PARN: variants seen among roughly 807,000 people sequenced by gnomAD.
PARN encodes the protein poly(A)-specific ribonuclease.
A neutral mutation model predicts 102.8 loss-of-function variants in PARN; 71 were observed. That is an observed-to-expected ratio of 0.69 (90% confidence interval 0.57 to 0.84). The LOEUF (loss-of-function observed/expected upper bound fraction) is 0.84. Among genes scored for constraint, PARN ranks in the 40% least tolerant of loss-of-function variants. PARN has a pLI of 0.00. For missense variants in PARN, 782 were observed against 760.9 expected, an observed-to-expected ratio of 1.03 and a Z score of -0.33; for synonymous variants, 261 against 252.9, an observed-to-expected ratio of 1.03 and a Z score of -0.30.
At chr16:14,463,044 G>A (rs571865760) in intron 22 of PARN, among the ~76,000 whole-genome samples, 2 of 152,282 alleles carry the variant, frequency 1.3e-5, no homozygotes, top group South Asian at 4.2e-4. Flanking sequence ...CAATTCCCCA[G>A]GGCTGGGGAA....
intron 6 of PARN, among the ~76,000 whole-genome samples, chr16:14,617,368 A>G (rs1250863795): frequency 1.4e-5 from 2 of 139,420 alleles, no homozygotes; most frequent in Admixed American, 7.7e-5. Flanking sequence ...TGGGCAACAG[A>G]GCGAGACTCT....
intron 18 of PARN, among the ~76,000 whole-genome samples, chr16:14,561,726 T>C (rs1968078999): frequency 6.6e-6 from 1 of 152,150 alleles, no homozygotes; most frequent in African/African-American, 2.4e-5. Flanking sequence ...GCAGGATTGT[T>C]TGACTCCATG....
At chr16:14,584,550 CAG>C in intron 15 of PARN, 128 bp from the exon 16 acceptor site, 1 of 823,586 alleles carries the variant, frequency 1.2e-6, no homozygotes, top group Non-Finnish European at 1.9e-6. Context: ...TAAAGAAACA[CAG>C]AAGTCTTCGT....
intron 18 of PARN, among the ~76,000 whole-genome samples, chr16:14,556,247 C>T (rs1967680958): frequency 6.6e-6 from 1 of 152,214 alleles, no homozygotes; most frequent in East Asian, 1.9e-4. Context: ...CAACCTCTGC[C>T]TCCCAGGTTC....
At chr16:14,564,881 T>C (rs1968338538) in intron 18 of PARN, 3 of 152,174 alleles carry the variant, frequency 2.0e-5, no homozygotes, top group African/African-American at 7.2e-5. Flanking sequence ...AGTAAAATTG[T>C]ACCCCTCTCC....
At chr16:14,620,490 T>C (rs1028725396) in intron 5 of PARN, among the ~76,000 whole-genome samples, 1 of 152,222 alleles carries the variant, frequency 6.6e-6, no homozygotes, top group Admixed American at 6.5e-5. Flanking sequence ...AGCATTACTG[T>C]AGCTACTCTA....
Position 14,584,425 on chromosome 16 carries a change from G to A in PARN, c.1006-3C>T. ...AGGGATGTGTTGTTAATGATATCCT[G>A]CAAACCACGAAGCAAAGAATTATGA... On this transcript the variant is annotated splice_polypyrimidine_tract_variant and splice_region_variant and intron_variant, in intron 15 of 23. Coordinates refer to ENST00000437198, the MANE Select transcript of PARN (RefSeq NM_002582.4). 1 of 1,610,002 alleles carries A rather than the reference G, an allele frequency of 6.2e-7. No homozygotes were observed. The highest frequency in any genetic ancestry group is 8.5e-7 in the Non-Finnish European group (1 of 1,176,886).
At chr16:14,598,667 G>A (rs1025288266) in intron 12 of PARN, among the ~76,000 whole-genome samples, 2 of 152,070 alleles carry the variant, frequency 1.3e-5, no homozygotes, top group African/African-American at 2.4e-5. Context: ...GACTTTAATC[G>A]CCCCACTTAC....
At chr16:14,533,948 G>A (rs930185476) in intron 21 of PARN, among the ~76,000 whole-genome samples, 7 of 152,160 alleles carry the variant, frequency 4.6e-5, no homozygotes, top group African/African-American at 1.2e-4. Flanking sequence ...TTGGCCAAGC[G>A]TGGTGGCTCA....
intron 23 of PARN, among the ~76,000 whole-genome samples, chr16:14,438,447 G>T (rs1321786594): frequency 2.0e-5 from 3 of 150,404 alleles, no homozygotes; most frequent in Admixed American, 1.3e-4. Context: ...TAGTTGGGGG[G>T]GGGGGTGTGT....
Position 14,595,210 on chromosome 16 carries a change from T to A in PARN, c.841-1832A>T, listed in dbSNP as rs749521991. 2.0e-5 allele frequency among the ~76,000 whole-genome samples: 3 copies of A among 152,088 alleles called. No homozygotes were observed. The East Asian group carries it at 5.8e-4, about 29-fold the overall frequency. ...ACCGGGTTTAAACAAATAAACATAA[T>A]GGAAGTAATAGAAACTGGATTTCTC... is the stretch of plus-strand genomic sequence containing the variant. On this transcript the variant is annotated intron_variant, in intron 12 of 23. Coordinates refer to ENST00000437198, the MANE Select transcript of PARN (RefSeq NM_002582.4).
rs149746401 is a variant in PARN at position 14,454,993 on chromosome 16, C to T, written c.1671-7912G>A. Among the ~76,000 whole-genome samples, 586 of 152,248 alleles carry T rather than the reference C, an allele frequency of 3.8e-3. 5 individuals are homozygous for T. The highest frequency in any genetic ancestry group is 0.013 in the African/African-American group (557 of 41,556). ...CAATAACACATAAAAATAACCTCTACCTGATATAGACGTTTGTTAACAGAA... is the reference window on the plus strand; with the variant it reads ...CAATAACACATAAAAATAACCTCTATCTGATATAGACGTTTGTTAACAGAA... On this transcript the variant is annotated intron_variant, in intron 22 of 23. Coordinates refer to ENST00000437198, the MANE Select transcript of PARN (RefSeq NM_002582.4).
At chr16:14,533,777 G>A (rs1966487564) in intron 21 of PARN, among the ~76,000 whole-genome samples, 1 of 152,130 alleles carries the variant, frequency 6.6e-6, no homozygotes, top group South Asian at 2.1e-4. Context: ...ACTCTCCCCA[G>A]GATCTTCCCT....
intron 23 of PARN, among the ~76,000 whole-genome samples, chr16:14,438,761 A>G (rs1020833736): frequency 6.6e-6 from 1 of 152,220 alleles, no homozygotes; most frequent in Non-Finnish European, 1.5e-5. Context: ...CCAACAGTCT[A>G]TAATCAAAAA....
chr16:14,472,454 A>G (rs1458728881), intron 22 of PARN, among the ~76,000 whole-genome samples: 1 of 152,214 alleles, frequency 6.6e-6, no homozygotes. Context: ...ATTAAAGTAA[A>G]TAATTTAGAA....
At chr16:14,475,409 T>G (rs1962986709) in intron 22 of PARN, among the ~76,000 whole-genome samples, 1 of 152,194 alleles carries the variant, frequency 6.6e-6, no homozygotes, top group Non-Finnish European at 1.5e-5. Flanking sequence ...TACCCTGTAT[T>G]TCTTCAGATC....
chr16:14,550,719 C>A (rs979253163), intron 21 of PARN, among the ~76,000 whole-genome samples: 1 of 152,104 alleles, frequency 6.6e-6, no homozygotes, highest in Non-Finnish European at 1.5e-5. Flanking sequence ...TTTTACTGTG[C>A]GGCATTTTGT....
chr16:14,612,803 G>A (rs1294087712), intron 6 of PARN, among the ~76,000 whole-genome samples: 1 of 151,662 alleles, frequency 6.6e-6, no homozygotes, highest in Non-Finnish European at 1.5e-5. Context: ...CAACATGTTG[G>A]CCAGGCTGAT....
intron 18 of PARN, among the ~76,000 whole-genome samples, chr16:14,560,650 G>A (rs1291098351): frequency 6.6e-6 from 1 of 152,060 alleles, no homozygotes; most frequent in African/African-American, 2.4e-5. Context: ...TGTTATCCTG[G>A]CTTTCAAACA....
Sources: gnomAD v4.1 joint callset for allele counts (sites outside exome capture counted in the v4.1 genomes callset) on GRCh38, gnomAD v4.1.1 for gene constraint, MANE v1.5 for transcripts, NCBI Gene and HGNC (gene_info 2026-07-23, HGNC 2026-07-21) for gene names.